Variants in RBFOX1 observed in about 807,000 individuals in gnomAD.
The protein encoded by RBFOX1 is RNA binding fox-1 homolog 1.
Under a neutral mutation model 57.7 loss-of-function variants are expected in RBFOX1, and 8 were observed. That is an observed-to-expected ratio of 0.14 (90% confidence interval 0.08 to 0.25). The LOEUF (loss-of-function observed/expected upper bound fraction) is 0.25, where lower values mean the gene tolerates loss of function less well. RBFOX1 is among the 10% of genes least tolerant of loss of function. The pLI, the probability that RBFOX1 is intolerant of heterozygous loss-of-function variation, is 1.00. For synonymous variants in RBFOX1, 326 were observed against 222.4 expected (o/e 1.47, Z -4.15); for missense variants, 611 against 548.5 (o/e 1.11, Z -1.14).
intron 2 of RBFOX1, among the ~76,000 whole-genome samples, chr16:6,509,270 T>G (rs898432343): frequency 1.3e-5 from 2 of 152,174 alleles, no homozygotes; most frequent in East Asian, 3.9e-4. Context: ...TTGAGCTCCT[T>G]ATATATTCTG....
rs536046968 is a variant in RBFOX1 at position 7,613,662 on chromosome 16, C to A, written c.676+6324C>A. Among the ~76,000 whole-genome samples, 7 of 152,192 alleles carry A rather than the reference C, an allele frequency of 4.6e-5. No individual in the cohort carries two copies. In the East Asian group the frequency reaches 1.4e-3, roughly 29 times the overall value. On this transcript the variant is annotated intron_variant, in intron 10 of 15. Coordinates refer to ENST00000550418, the MANE Select transcript of RBFOX1 (RefSeq NM_018723.4). ...TTGGTTTTCTGTGGGCTAGAGTGAA[C>A]CATGATTCATCTCAGAATTGGGTCA...
intron 1 of RBFOX1, among the ~76,000 whole-genome samples, chr16:6,158,298 G>A (rs1044105748): frequency 6.6e-6 from 1 of 152,204 alleles, no homozygotes; most frequent in African/African-American, 2.4e-5. Context: ...CACAGGCGAT[G>A]CACCTACAGC....
At chr16:7,118,928 A>G (rs2066509110) in intron 4 of RBFOX1, among the ~76,000 whole-genome samples, 1 of 152,136 alleles carries the variant, frequency 6.6e-6, no homozygotes, top group South Asian at 2.1e-4. Flanking sequence ...GATTTTTAGG[A>G]ACATGTGGCA....
At chr16:7,440,469 G>A (rs2098757591) in intron 4 of RBFOX1, among the ~76,000 whole-genome samples, 1 of 152,124 alleles carries the variant, frequency 6.6e-6, no homozygotes, top group Non-Finnish European at 1.5e-5. Flanking sequence ...TGATGGGTAT[G>A]GCTTATGAAG....
intron 2 of RBFOX1, among the ~76,000 whole-genome samples, chr16:6,436,318 T>C (rs2153016283): frequency 1.3e-5 from 2 of 152,250 alleles, no homozygotes; most frequent in Middle Eastern, 6.8e-3. Flanking sequence ...TAATGCCTTT[T>C]CTCTGTTAGT....
chr16:7,174,197 T>C (rs867268553), intron 4 of RBFOX1, among the ~76,000 whole-genome samples: 2 of 151,756 alleles, frequency 1.3e-5, no homozygotes, highest in South Asian at 4.2e-4. Flanking sequence ...TTTTTTTTCG[T>C]GAACATGAGG....
chr16:5,793,185 C>A (rs2054760013), intron 3 of RBFOX1, among the ~76,000 whole-genome samples: 1 of 152,194 alleles, frequency 6.6e-6, no homozygotes, highest in Non-Finnish European at 1.5e-5. Context: ...TGCACTTCAG[C>A]CTCTGAGAAG....
At chr16:6,452,789 T>A (rs933712860) in intron 2 of RBFOX1, among the ~76,000 whole-genome samples, 7 of 152,182 alleles carry the variant, frequency 4.6e-5, no homozygotes, top group African/African-American at 1.7e-4. Context: ...GGGTTAATAA[T>A]GAGTCTCTCT....
At chr16:5,944,565 G>C (rs1438664314) in intron 4 of RBFOX1, among the ~76,000 whole-genome samples, 2 of 151,770 alleles carry the variant, frequency 1.3e-5, no homozygotes, top group African/African-American at 4.8e-5. Flanking sequence ...AGCTGTGTGA[G>C]TCATGCCTCA....
chr16:5,615,211 T>C (rs1271384682), intron 3 of RBFOX1, among the ~76,000 whole-genome samples: 1 of 152,194 alleles, frequency 6.6e-6, no homozygotes, highest in Non-Finnish European at 1.5e-5. Context: ...TCTTCATTTT[T>C]GTACAGATGG....
rs1027695735 is a variant in RBFOX1 at position 6,715,971 on chromosome 16, C to G, written c.-16+61321C>G. Among the ~76,000 whole-genome samples, 9 of 151,840 alleles carry G rather than the reference C, an allele frequency of 5.9e-5. No individual in the cohort carries two copies. The South Asian group carries it at 1.5e-3, about 25-fold the overall frequency. ...AAGTCAAGGATACGACGCAATTGAC[C>G]AGGTGTGCAGTGCCCAACTCTGTGG... On this transcript the variant is annotated intron_variant, in intron 3 of 15. Transcript: ENST00000550418.
intron 3 of RBFOX1, among the ~76,000 whole-genome samples, chr16:6,886,304 T>C (rs1035722658): frequency 1.3e-5 from 2 of 151,884 alleles, no homozygotes; most frequent in Non-Finnish European, 1.5e-5. Context: ...TCACGTGATC[T>C]GCCCACCTCG....
Position 5,989,155 on chromosome 16 carries a change from C to T in RBFOX1, c.351+121820C>T, listed in dbSNP as rs1459464637. On this transcript the variant is annotated intron_variant, in intron 4 of 19. Coordinates refer to the RBFOX1 transcript ENST00000641259. ...CTAACACAGTGAAACCCTGTCTCTA[C>T]TAAAAAAAAAAAAAAAATACAAAAA... 3.7e-5 allele frequency among the ~76,000 whole-genome samples: 5 copies of T among 133,982 alleles called. No individual in the cohort carries two copies. The Admixed American group carries it at 3.8e-4, about 10-fold the overall frequency. 87.9% of individuals were successfully genotyped at this position (133,982 alleles called of 152,430 possible). A position where few individuals can be genotyped will look rare whatever the true frequency, so the allele number is the denominator to read the frequency against.
chr16:7,112,740 A>C (rs1405912839), intron 4 of RBFOX1, among the ~76,000 whole-genome samples: 2 of 147,962 alleles, frequency 1.4e-5, no homozygotes, highest in Non-Finnish European at 3.0e-5. Flanking sequence ...AGCTCTTGTG[A>C]CCTTGATTCA....
chr16:7,111,031 C>A (rs752238678), intron 4 of RBFOX1, among the ~76,000 whole-genome samples: 1 of 152,106 alleles, frequency 6.6e-6, no homozygotes, highest in Admixed American at 6.5e-5. Flanking sequence ...GGGCATGGCA[C>A]ACACACACAT....
chr16:5,271,136 T>C (rs1210223373), intron 1 of RBFOX1, among the ~76,000 whole-genome samples: 2 of 152,038 alleles, frequency 1.3e-5, no homozygotes. Context: ...TGAGCCAAGA[T>C]TGCATCATTG....
chr16:5,429,206 A>G (rs2067655595), intron 1 of RBFOX1, among the ~76,000 whole-genome samples: 1 of 152,160 alleles, frequency 6.6e-6, no homozygotes, highest in African/African-American at 2.4e-5. Context: ...ATCTATCCAC[A>G]GTAATCTCTT....
chr16:6,012,006 C>G (rs551542316), intron 4 of RBFOX1, among the ~76,000 whole-genome samples: 4 of 152,360 alleles, frequency 2.6e-5, no homozygotes, highest in Admixed American at 2.0e-4. Context: ...TATGGCTGTT[C>G]TGAGGAAGTC....
chr16:7,115,676 G>T (rs192581969), intron 4 of RBFOX1, among the ~76,000 whole-genome samples: 3 of 152,248 alleles, frequency 2.0e-5, no homozygotes, highest in African/African-American at 7.2e-5. Context: ...AATGAAAGAG[G>T]GGACACCCAA....
Sources: allele counts gnomAD v4.1 joint callset (sites outside exome capture counted in the v4.1 genomes callset), GRCh38; gene constraint gnomAD v4.1.1; transcripts MANE v1.5; gene names NCBI Gene and HGNC (gene_info 2026-07-23, HGNC 2026-07-21).